GALNTL6: variants seen among roughly 807,000 people sequenced by gnomAD.
GALNTL6 encodes polypeptide N-acetylgalactosaminyltransferase-like 6.
GALNTL6 carries 46 observed loss-of-function variants against 73.7 expected under a neutral mutation model. The observed-to-expected ratio is 0.62, with a 90% CI of 0.49 to 0.80. GALNTL6 has a LOEUF of 0.80. Among genes scored for constraint, GALNTL6 ranks in the 30% least tolerant of loss-of-function variants. The pLI, the probability that GALNTL6 is intolerant of heterozygous loss-of-function variation, is 0.00. For missense variants in GALNTL6, 604 were observed against 755.0 expected, an observed-to-expected ratio of 0.80 and a Z score of 2.34; for synonymous variants, 259 against 263.7, an observed-to-expected ratio of 0.98 and a Z score of 0.17.
chr4:171,972,865 G>A (rs1739611223), intron 2 of GALNTL6, among the ~76,000 whole-genome samples: 1 of 152,108 alleles, frequency 6.6e-6, no homozygotes. Flanking sequence ...ATGTTCTACA[G>A]TAGATTTCTG....
intron 10 of GALNTL6, among the ~76,000 whole-genome samples, chr4:172,983,653 C>T (rs1751169729): frequency 1.3e-5 from 2 of 152,064 alleles, no homozygotes; most frequent in Admixed American, 1.3e-4. Context: ...CAAGACTGCA[C>T]CATTGCACTC....
At chr4:172,033,852 A>C (rs1741845455) in intron 2 of GALNTL6, among the ~76,000 whole-genome samples, 1 of 152,130 alleles carries the variant, frequency 6.6e-6, no homozygotes, top group Admixed American at 6.6e-5. Context: ...AAAGTTTTGC[A>C]AAGAGTACAA....
chr4:172,294,569 T>C (rs375425948), intron 3 of GALNTL6, among the ~76,000 whole-genome samples: 1 of 151,786 alleles, frequency 6.6e-6, no homozygotes, highest in East Asian at 1.9e-4. Context: ...TAAATGAGGA[T>C]AGGAGGGGGA....
At chr4:172,423,875 T>C (rs1446568487) in intron 5 of GALNTL6, among the ~76,000 whole-genome samples, 1 of 152,040 alleles carries the variant, frequency 6.6e-6, no homozygotes, top group Non-Finnish European at 1.5e-5. Context: ...CTTACAATTA[T>C]AAAAAGCAAA....
intron 11 of GALNTL6, among the ~76,000 whole-genome samples, chr4:173,016,861 A>G (rs1579785840): frequency 6.6e-6 from 1 of 152,218 alleles, no homozygotes; most frequent in Non-Finnish European, 1.5e-5. Flanking sequence ...CTCCACCCAA[A>G]TCTCATCTTG....
Position 172,729,421 on chromosome 4 carries a change from G to T in GALNTL6, c.554-79940G>T, listed in dbSNP as rs188797195. Among the ~76,000 whole-genome samples the T allele has an allele frequency of 5.1e-4, 78 of 152,198 alleles. 1 individual carries two copies. Among genetic ancestry groups the T allele is most frequent in the African/African-American group, 1.9e-3 (77 of 41,542 alleles). The stretch of plus-strand genomic sequence containing the variant: ...TAATTTTTATGTAGGGTAAGAGATA[G>T]GGATCTAGCTTTATTCTTCTACATA... On this transcript the variant is annotated intron_variant, in intron 5 of 12. Coordinates refer to ENST00000506823, the MANE Select transcript of GALNTL6 (RefSeq NM_001034845.3).
chr4:172,984,366 A>C (rs1004728250), intron 10 of GALNTL6, among the ~76,000 whole-genome samples: 12 of 152,190 alleles, frequency 7.9e-5, no homozygotes, highest in Non-Finnish European at 1.2e-4. Context: ...AAACCATCAG[A>C]TCTCAGGAGA....
chr4:172,121,257 TTGTGTGTG>T (rs375731048), intron 2 of GALNTL6, among the ~76,000 whole-genome samples: 7,042 of 142,288 alleles, frequency 0.049, 536 homozygotes, highest in African/African-American at 0.16. Flanking sequence ...TCAAGAAGCA[TTGTGTGTG>T]TGTGTGTGTG....
chr4:172,771,787 T>C (rs1035722282), intron 5 of GALNTL6, among the ~76,000 whole-genome samples: 1 of 152,198 alleles, frequency 6.6e-6, no homozygotes, highest in Non-Finnish European at 1.5e-5. Flanking sequence ...TGAGTGAACC[T>C]TAAATGCATT....
chr4:172,131,462 A>G (rs1184830907), intron 2 of GALNTL6, among the ~76,000 whole-genome samples: 10 of 144,240 alleles, frequency 6.9e-5, no homozygotes, highest in Middle Eastern at 3.6e-3. Flanking sequence ...TTTTATATAT[A>G]TTACATATGT....
intron 4 of GALNTL6, among the ~76,000 whole-genome samples, chr4:172,332,248 T>A (rs539782727): frequency 1.3e-3 from 195 of 152,226 alleles, no homozygotes; most frequent in African/African-American, 4.5e-3. Flanking sequence ...TTTTAATTTG[T>A]AAAAATTTAT....
chr4:172,604,415 G>C (rs1738183351), intron 5 of GALNTL6, among the ~76,000 whole-genome samples: 1 of 152,102 alleles, frequency 6.6e-6, no homozygotes, highest in Admixed American at 6.6e-5. Context: ...TGTCCAGAGA[G>C]CAAATAGACT....
chr4:171,820,472 C>T (rs908611656), intron 2 of GALNTL6, among the ~76,000 whole-genome samples: 2 of 152,098 alleles, frequency 1.3e-5, no homozygotes, highest in East Asian at 1.9e-4. Flanking sequence ...TACCCATATC[C>T]GTAGTTTCAC....
rs2040583856 is a variant in GALNTL6 at position 171,909,582 on chromosome 4, T to C, written c.138+94864T>C. The stretch of plus-strand genomic sequence containing the variant: ...TTTTGTACAAGCCAAAGGTCTAATG[T>C]AACTGAGGACGGTAGAAAAATCCAT... On this transcript the variant is annotated intron_variant, in intron 2 of 12. Coordinates refer to ENST00000506823, the MANE Select transcript of GALNTL6 (RefSeq NM_001034845.3). Among the ~76,000 whole-genome samples the C allele has an allele frequency of 3.9e-5, 6 of 152,324 alleles. No homozygotes were observed. The South Asian group carries it at 1.2e-3, about 32-fold the overall frequency.
At chr4:172,206,921 T>C (rs548922869) in intron 2 of GALNTL6, among the ~76,000 whole-genome samples, 14 of 149,376 alleles carry the variant, frequency 9.4e-5, no homozygotes, top group East Asian at 8.0e-4. Flanking sequence ...GGGTTCAGGC[T>C]ATTCTCGTGC....
chr4:172,740,254 A>C (rs1344541782), intron 5 of GALNTL6, among the ~76,000 whole-genome samples: 1 of 152,214 alleles, frequency 6.6e-6, no homozygotes, highest in African/African-American at 2.4e-5. Flanking sequence ...AACAGAAGAA[A>C]TTTAATATAA....
At chr4:172,589,317 T>A (rs1424628852) in intron 5 of GALNTL6, among the ~76,000 whole-genome samples, 1 of 152,214 alleles carries the variant, frequency 6.6e-6, no homozygotes, top group African/African-American at 2.4e-5. Context: ...CATGTATATA[T>A]GAATTTTACC....
chr4:172,260,332 T>G (rs1267460187), intron 3 of GALNTL6, among the ~76,000 whole-genome samples: 1 of 151,754 alleles, frequency 6.6e-6, no homozygotes, highest in African/African-American at 2.4e-5. Flanking sequence ...GGTATATTCC[T>G]AAGTATTTTA....
At chr4:172,503,401 G>C (rs528292975) in intron 5 of GALNTL6, among the ~76,000 whole-genome samples, 1 of 151,476 alleles carries the variant, frequency 6.6e-6, no homozygotes, top group South Asian at 2.1e-4. Flanking sequence ...TCCTGACTTT[G>C]GTTCCTATGT....
Sources: allele counts gnomAD v4.1 joint callset (sites outside exome capture counted in the v4.1 genomes callset), GRCh38; gene constraint gnomAD v4.1.1; transcripts MANE v1.5; gene names NCBI Gene and HGNC (gene_info 2026-07-23, HGNC 2026-07-21).